The following ZMYM4 variants were observed in gnomAD, a reference collection of about 807,000 sequenced individuals.
ZMYM4 encodes zinc finger MYM-type protein 4.
In ZMYM4, 31 loss-of-function variants were observed where a neutral mutation model predicts 183.2. That is an observed-to-expected ratio of 0.17 (90% confidence interval 0.13 to 0.23). The LOEUF is 0.23. Ranked by LOEUF, ZMYM4 falls within the 10% of genes least tolerant of loss-of-function variation. The pLI, the probability that ZMYM4 is intolerant of heterozygous loss-of-function variation, is 1.00. For missense variants in ZMYM4, 1,273 were observed against 1,840.3 expected (o/e 0.69, Z 5.64); for synonymous variants, 592 against 631.2 (o/e 0.94, Z 0.93).
chr1:35,364,439 T>C (rs757170096), intron 5 of ZMYM4, among the ~76,000 whole-genome samples: 3 of 152,206 alleles, frequency 2.0e-5, no homozygotes, highest in South Asian at 2.1e-4. Flanking sequence ...AAACTAGATA[T>C]GTGATTCTTT....
chr1:35,406,640 C>T (rs898853064), intron 25 of ZMYM4, among the ~76,000 whole-genome samples: 2 of 152,168 alleles, frequency 1.3e-5, no homozygotes, highest in Non-Finnish European at 2.9e-5. Flanking sequence ...CCCATTTCTA[C>T]CACTCTTTCA....
chr1:35,348,352 A>G (rs1290224489), intron 2 of ZMYM4, among the ~76,000 whole-genome samples: 1 of 152,228 alleles, frequency 6.6e-6, no homozygotes, highest in Non-Finnish European at 1.5e-5. Context: ...TTACATTGAG[A>G]CATATACATG....
At chr1:35,417,623 A>T (rs913927548) in intron 28 of ZMYM4, among the ~76,000 whole-genome samples, 16 of 152,060 alleles carry the variant, frequency 1.1e-4, no homozygotes, top group African/African-American at 3.1e-4. Flanking sequence ...GGATCACTTG[A>T]ACCCAGGAGT....
At position 35,268,907 on chromosome 1, in the gene ZMYM4, C is replaced by G. The variant is rs1639440685; in HGVS notation, c.-140C>G. 2.1e-6 allele frequency: 2 copies of G among 963,228 alleles called. No homozygotes were observed. The highest frequency in any genetic ancestry group is 2.7e-6 in the Non-Finnish European group (2 of 733,252). The allele number at this position is 963,228 out of a possible 1,614,324, so 59.7% of individuals were successfully genotyped here. A position where few individuals can be genotyped will look rare whatever the true frequency, so the allele number is the denominator to read the frequency against. Reference sequence around the variant, plus strand: ...CGGCGCGCGGCATCCGCCCCCTCCCCACTCTCGGCGCAAGGCCCGGCCGGG... The same window carrying G: ...CGGCGCGCGGCATCCGCCCCCTCCCGACTCTCGGCGCAAGGCCCGGCCGGG... On this transcript the variant is annotated 5_prime_UTR_variant, in exon 1 of 30. Coordinates refer to ENST00000314607, the MANE Select transcript of ZMYM4 (RefSeq NM_005095.3).
chr1:35,345,853 C>T lies in ZMYM4; in HGVS notation c.86-13072C>T, dbSNP rs1413891317. Among the ~76,000 whole-genome samples, 5 of 152,310 alleles carry T rather than the reference C, an allele frequency of 3.3e-5. No homozygotes were observed. In the East Asian group the frequency reaches 7.7e-4, roughly 23 times the overall value. On this transcript the variant is annotated intron_variant, in intron 2 of 29. Coordinates refer to ENST00000314607, the MANE Select transcript of ZMYM4 (RefSeq NM_005095.3). The stretch of plus-strand genomic sequence containing the variant: ...CATTTTTAAGTGTACAGTTCAGTAG[C>T]ATTAACTGTTTACATTGTTGTGCAA...
At chr1:35,303,775 T>G (rs975659583) in intron 1 of ZMYM4, among the ~76,000 whole-genome samples, 3 of 152,222 alleles carry the variant, frequency 2.0e-5, no homozygotes, top group Admixed American at 6.5e-5. Flanking sequence ...ATTTGATTGA[T>G]GTTTGCTTTT....
intron 1 of ZMYM4, among the ~76,000 whole-genome samples, chr1:35,312,153 G>A (rs1455158662): frequency 1.3e-5 from 2 of 151,918 alleles, no homozygotes; most frequent in Non-Finnish European, 2.9e-5. Context: ...TGTTGTTGTT[G>A]TTGTTTAGGT....
At chr1:35,400,868 G>T (rs1350487095) in intron 23 of ZMYM4, among the ~76,000 whole-genome samples, 1 of 152,184 alleles carries the variant, frequency 6.6e-6, no homozygotes, top group African/African-American at 2.4e-5. Context: ...CCTATAATAT[G>T]TAGTCTTCTG....
chr1:35,304,525 T>G (rs1641438837), intron 1 of ZMYM4, among the ~76,000 whole-genome samples: 1 of 151,824 alleles, frequency 6.6e-6, no homozygotes, highest in Non-Finnish European at 1.5e-5. Context: ...TGGCTCGATC[T>G]TAGCTTACTG....
chr1:35,326,807 A>G (rs192839194), intron 2 of ZMYM4, among the ~76,000 whole-genome samples: 4 of 152,330 alleles, frequency 2.6e-5, no homozygotes, highest in Admixed American at 6.5e-5. Context: ...TCATGCAGAC[A>G]TGGAAAGAAT....
At chr1:35,295,761 A>G (rs1208763502) in intron 1 of ZMYM4, among the ~76,000 whole-genome samples, 1 of 152,228 alleles carries the variant, frequency 6.6e-6, no homozygotes, top group Non-Finnish European at 1.5e-5. Context: ...AAGAGGACCC[A>G]GTCTGTCCTC....
Position 35,269,064 on chromosome 1 carries a change from G to A in ZMYM4, c.18G>A (p.Val6=). MAERE[V]ESGPRKRFEQ... is the part of the protein sequence containing the mutation. ...GGCCCAACATGGCGGAGAGAGAGGT[G>A]GAGTCCGGCCCCCGAAAGAGGGTAG... The change falls in exon 1 of 30, where the codon GTG becomes GTA. Residue 6 remains valine, a synonymous_variant. Coordinates refer to ENST00000314607, the MANE Select transcript of ZMYM4 (RefSeq NM_005095.3). 6.5e-7 allele frequency: 1 copy of A among 1,549,508 alleles called. No individual in the cohort carries two copies. Among genetic ancestry groups the A allele is most frequent in the African/African-American group, 1.4e-5 (1 of 73,254 alleles).
chr1:35,355,629 TTTCTC>T (rs1643795103), intron 2 of ZMYM4, among the ~76,000 whole-genome samples: 1 of 152,190 alleles, frequency 6.6e-6, no homozygotes, highest in Non-Finnish European at 1.5e-5. Context: ...TGGTTTGTGT[TTTCTC>T]ATCTCTAGCC....
At chr1:35,340,082 T>C (rs1216627903) in intron 2 of ZMYM4, among the ~76,000 whole-genome samples, 1 of 152,226 alleles carries the variant, frequency 6.6e-6, no homozygotes, top group Non-Finnish European at 1.5e-5. Context: ...CCTGTTTACA[T>C]TAGAAATATC....
intron 9 of ZMYM4, among the ~76,000 whole-genome samples, chr1:35,385,020 A>G (rs978013255): frequency 2.0e-5 from 3 of 150,636 alleles, no homozygotes; most frequent in Non-Finnish European, 4.4e-5. Flanking sequence ...TTTTTTTTGT[A>G]TTTTTGTAGA....
At chr1:35,351,211 G>T in intron 2 of ZMYM4, 1 of 1,421,980 alleles carries the variant, frequency 7.0e-7, no homozygotes. Context: ...ACCCTGAAGG[G>T]CGCTGTGGAT....
At chr1:35,317,269 C>T (rs1287668748) in intron 1 of ZMYM4, among the ~76,000 whole-genome samples, 1 of 151,996 alleles carries the variant, frequency 6.6e-6, no homozygotes, top group Non-Finnish European at 1.5e-5. Context: ...CCTGTCTCTG[C>T]TAAAAACACA....
chr1:35,281,597 A>T (rs1167627887), intron 1 of ZMYM4, among the ~76,000 whole-genome samples: 1 of 151,864 alleles, frequency 6.6e-6, no homozygotes, highest in East Asian at 1.9e-4. Context: ...GTGTATCAAA[A>T]CACCACTGTG....
chr1:35,272,072 T>G lies in ZMYM4; in HGVS notation c.39+2987T>G, dbSNP rs977803064. Among the ~76,000 whole-genome samples the G allele has an allele frequency of 1.4e-4, 22 of 152,244 alleles. 1 individual carries two copies. Among genetic ancestry groups the G allele is most frequent in the Admixed American group, 1.4e-3 (21 of 15,276 alleles). On this transcript the variant is annotated intron_variant, in intron 1 of 29. Coordinates refer to ENST00000314607, the MANE Select transcript of ZMYM4 (RefSeq NM_005095.3). The stretch of plus-strand genomic sequence containing the variant: ...TGATTGTCTTAAATGATATAAGTAC[T>G]TTTTTCCACTTTTTTTTGGTGTGTG...
Sources: allele counts gnomAD v4.1 joint callset (sites outside exome capture counted in the v4.1 genomes callset), GRCh38; gene constraint gnomAD v4.1.1; transcripts MANE v1.5; gene names NCBI Gene and HGNC (gene_info 2026-07-23, HGNC 2026-07-21).